MYT1L: variants seen among roughly 807,000 people sequenced by gnomAD.
MYT1L encodes the protein myelin transcription factor 1-like protein.
In MYT1L, 12 loss-of-function variants were observed where a neutral mutation model predicts 126.7. That is an observed-to-expected ratio of 0.09 (90% CI 0.06 to 0.15). The LOEUF is 0.15. MYT1L is among the 10% of genes least tolerant of loss of function. The pLI is 1.00. For missense variants in MYT1L, 979 were observed against 1,585.2 expected (o/e 0.62, Z 6.49); for synonymous variants, 541 against 604.2 (o/e 0.90, Z 1.53).
At chr2:1,869,667 C>T (rs577648293) in intron 18 of MYT1L, among the ~76,000 whole-genome samples, 4 of 152,310 alleles carry the variant, frequency 2.6e-5, no homozygotes, top group East Asian at 1.9e-4. Context: ...TGATTACCTA[C>T]GGTTTGCCAG....
intron 18 of MYT1L, among the ~76,000 whole-genome samples, chr2:1,874,178 A>G (rs559442107): frequency 1.4e-5 from 2 of 139,178 alleles, no homozygotes; most frequent in Admixed American, 6.8e-5. Flanking sequence ...GGTGTGGAAA[A>G]CAGGAAACGC....
intron 1 of MYT1L, among the ~76,000 whole-genome samples, chr2:2,286,797 C>T (rs2095527159): frequency 6.6e-6 from 1 of 152,136 alleles, no homozygotes; most frequent in Admixed American, 6.5e-5. Context: ...AGCAGGCTTC[C>T]CTCCCCACCC....
At chr2:2,163,157 T>C (rs2088316456) in intron 3 of MYT1L, among the ~76,000 whole-genome samples, 1 of 152,160 alleles carries the variant, frequency 6.6e-6, no homozygotes, top group South Asian at 2.1e-4. Context: ...TAAATGAGCA[T>C]TGTTTAAAGA....
At chr2:2,028,813 C>G (rs903911277) in intron 4 of MYT1L, among the ~76,000 whole-genome samples, 1 of 152,028 alleles carries the variant, frequency 6.6e-6, no homozygotes, top group African/African-American at 2.4e-5. Context: ...AAGGATCTTA[C>G]CATCCAATGG....
At chr2:1,928,786 G>C (rs1226641008) in intron 9 of MYT1L, among the ~76,000 whole-genome samples, 3 of 152,090 alleles carry the variant, frequency 2.0e-5, no homozygotes, top group Non-Finnish European at 4.4e-5. Context: ...CATCCACCAG[G>C]ATCCTGATGA....
intron 9 of MYT1L, among the ~76,000 whole-genome samples, chr2:1,936,252 G>C (rs978868962): frequency 6.6e-6 from 1 of 152,200 alleles, no homozygotes; most frequent in Non-Finnish European, 1.5e-5. Flanking sequence ...TACATGGCAT[G>C]ATATTTACAG....
intron 2 of MYT1L, among the ~76,000 whole-genome samples, chr2:2,278,351 G>T (rs2095397600): frequency 6.6e-6 from 1 of 152,178 alleles, no homozygotes; most frequent in African/African-American, 2.4e-5. Context: ...TTTATTTCCT[G>T]CCAGTCTGGT....
intron 18 of MYT1L, among the ~76,000 whole-genome samples, chr2:1,865,991 C>CA (rs1558206400): frequency 6.6e-6 from 1 of 152,202 alleles, no homozygotes; most frequent in Admixed American, 6.5e-5. Flanking sequence ...TGTCCCACCT[C>CA]AGAGGCACTG....
At chr2:2,063,726 C>A (rs2070846849) in intron 3 of MYT1L, among the ~76,000 whole-genome samples, 2 of 152,098 alleles carry the variant, frequency 1.3e-5, no homozygotes, top group Non-Finnish European at 2.9e-5. Context: ...TGCCTGTAAT[C>A]CCAGCTACTC....
chr2:1,993,891 C>T (rs11679107), intron 5 of MYT1L, among the ~76,000 whole-genome samples: 21,772 of 152,150 alleles, frequency 0.14, 1,596 homozygotes, highest in East Asian at 0.31. Context: ...ACACCCTCAC[C>T]GTCCACAGCT....
At chr2:2,305,699 T>C (rs112931559) in intron 1 of MYT1L, among the ~76,000 whole-genome samples, 3,692 of 152,256 alleles carry the variant, frequency 0.024, 89 homozygotes, top group South Asian at 0.11. Flanking sequence ...CTCAAGAAAC[T>C]TACTATCATG....
intron 18 of MYT1L, among the ~76,000 whole-genome samples, chr2:1,881,442 T>C (rs146409886): frequency 1.1e-3 from 173 of 152,084 alleles, no homozygotes; most frequent in African/African-American, 4.0e-3. Flanking sequence ...GAAGTTTTAC[T>C]GTATTATGCT....
chr2:1,803,739 G>A (rs4077010), intron 22 of MYT1L, among the ~76,000 whole-genome samples: 6,571 of 152,288 alleles, frequency 0.043, 163 homozygotes, highest in East Asian at 0.072. Flanking sequence ...GCTGCCCACT[G>A]CGGCTCTGTG....
At chr2:2,117,084 A>G (rs2080310020) in intron 3 of MYT1L, among the ~76,000 whole-genome samples, 1 of 152,150 alleles carries the variant, frequency 6.6e-6, no homozygotes, top group Admixed American at 6.5e-5. Context: ...CCCCCTGCAG[A>G]GCACCCACAG....
At chr2:1,928,096 T>G (rs1221440488) in intron 9 of MYT1L, among the ~76,000 whole-genome samples, 3 of 152,080 alleles carry the variant, frequency 2.0e-5, no homozygotes, top group Non-Finnish European at 4.4e-5. Flanking sequence ...GGGACTACAG[T>G]CATGTGTCAC....
chr2:2,147,547 G>A (rs1448507525), intron 3 of MYT1L, among the ~76,000 whole-genome samples: 1 of 152,236 alleles, frequency 6.6e-6, no homozygotes, highest in African/African-American at 2.4e-5. Context: ...ACAGCTGACT[G>A]TCTGTTCAGG....
intron 2 of MYT1L, among the ~76,000 whole-genome samples, chr2:2,219,729 T>C (rs2093798775): frequency 6.6e-6 from 1 of 152,196 alleles, no homozygotes. Context: ...AAATACGGAA[T>C]GTGAGGTCCT....
intron 3 of MYT1L, among the ~76,000 whole-genome samples, chr2:2,089,241 C>G (rs1445871414): frequency 6.6e-6 from 1 of 152,296 alleles, no homozygotes; most frequent in East Asian, 1.9e-4. Context: ...AAGGCAATGT[C>G]AATCTCATTT....
chr2:1,925,101 T>C (rs1209812981), intron 9 of MYT1L, among the ~76,000 whole-genome samples: 1 of 152,206 alleles, frequency 6.6e-6, no homozygotes, highest in African/African-American at 2.4e-5. Flanking sequence ...TGATAAGCTA[T>C]GATTTGAAAA....
Sources: allele counts gnomAD v4.1 joint callset (sites outside exome capture counted in the v4.1 genomes callset), GRCh38; gene constraint gnomAD v4.1.1; transcripts MANE v1.5; gene names NCBI Gene and HGNC (gene_info 2026-07-23, HGNC 2026-07-21).